TRAPPC11: variants seen among roughly 807,000 people sequenced by gnomAD.
TRAPPC11 encodes trafficking protein particle complex subunit 11.
TRAPPC11 carries 104 observed loss-of-function variants against 151.2 expected under a neutral mutation model. The ratio of observed to expected loss-of-function variants is 0.69; its 90% CI spans 0.59 to 0.81. The LOEUF (loss-of-function observed/expected upper bound fraction) is 0.81. TRAPPC11 is among the 30% of genes least tolerant of loss of function. The pLI, the probability that TRAPPC11 is intolerant of heterozygous loss-of-function variation, is 0.00. For synonymous variants in TRAPPC11, 456 were observed against 472.3 expected, an observed-to-expected ratio of 0.97 and a Z score of 0.45; for missense variants, 1,230 against 1,349.6, an observed-to-expected ratio of 0.91 and a Z score of 1.39.
At position 183,693,017 on chromosome 4, in the gene TRAPPC11, T is replaced by A. The variant is rs765385972; in HGVS notation, c.2107T>A (p.Trp703Arg). 1 of 1,613,792 alleles carries A rather than the reference T, an allele frequency of 6.2e-7. No individual in the cohort carries two copies. The highest frequency in any genetic ancestry group is 1.1e-5 in the South Asian group (1 of 91,002). ...GACGGGAAGATGTGTGGTTTTAAAT[T>A]GGCAGGGAGGAGGAGGAGATGCTGC... ...NETGRCVVLN[W>R]QGGGGDAASS... The change falls in exon 20 of 30, where the codon TGG becomes AGG. Residue 703 changes from tryptophan (W) to arginine (R), a missense_variant. Transcript: ENST00000334690.
chr4:183,686,547 T>G (rs1735977520), intron 17 of TRAPPC11, 71 bp from the exon 18 acceptor site: 2 of 1,555,202 alleles, frequency 1.3e-6, no homozygotes, highest in Non-Finnish European at 1.7e-6. Context: ...AGAATCAATT[T>G]GGTTAACAGG....
At chr4:183,694,135 T>C in intron 22 of TRAPPC11, 97 bp downstream of exon 22, 1 of 1,293,000 alleles carries the variant, frequency 7.7e-7, no homozygotes, top group Non-Finnish European at 1.1e-6. Flanking sequence ...TTAACGCATA[T>C]TCTAGGACTG....
intron 5 of TRAPPC11, among the ~76,000 whole-genome samples, chr4:183,673,648 T>C (rs1171394367): frequency 6.6e-6 from 1 of 152,128 alleles, no homozygotes; most frequent in Admixed American, 6.5e-5. Context: ...CACTCCAGCC[T>C]GGGCAACAGA....
chr4:183,662,756 T>G (rs1734622517), intron 1 of TRAPPC11, among the ~76,000 whole-genome samples: 1 of 152,086 alleles, frequency 6.6e-6, no homozygotes, highest in African/African-American at 2.4e-5. Flanking sequence ...TCTTTTATAT[T>G]TTTCTTTCAA....
rs1416841969 is a variant in TRAPPC11, at chr4:183,667,055, T to C, written c.375-5T>C. 6.3e-7 allele frequency: 1 copy of C among 1,590,150 alleles called. No individual in the cohort carries two copies. Among genetic ancestry groups the C allele is most frequent in the African/African-American group, 1.3e-5 (1 of 74,674 alleles). ...ATTAATTTTATTCTTGCTTTTTCAT[T>C]GCAGGCAAAGTTTACAAGGAAGAAA... On this transcript the variant is annotated splice_region_variant and splice_polypyrimidine_tract_variant and intron_variant, in intron 3 of 29. Coordinates refer to ENST00000334690, the MANE Select transcript of TRAPPC11 (RefSeq NM_021942.6).
At chr4:183,707,084 T>TA in intron 28 of TRAPPC11, 144 bp downstream of exon 28, 1 of 922,340 alleles carries the variant, frequency 1.1e-6, no homozygotes, top group Non-Finnish European at 1.5e-6. Context: ...TTAAGCACCT[T>TA]AAGTACAGCT....
Position 183,684,763 on chromosome 4 carries a change from A to T in TRAPPC11, c.1489A>T (p.Thr497Ser). 1 of 1,613,878 alleles carries T rather than the reference A, an allele frequency of 6.2e-7. No homozygotes were observed. Among genetic ancestry groups the T allele is most frequent in the Non-Finnish European group, 8.5e-7 (1 of 1,179,802 alleles). ...GTGGACTCTGCTCACTTCTGTATTAACTACAGCTCTGAAGTGCTCCTACCT... is the reference window on the plus strand; with the variant it reads ...GTGGACTCTGCTCACTTCTGTATTATCTACAGCTCTGAAGTGCTCCTACCT... ...GWWTLLTSVL[T>S]TALKCSYLMA... Residue 497 changes from threonine to serine, a missense_variant, in exon 15 of 30, where the codon ACT becomes TCT. Coordinates refer to ENST00000334690, the MANE Select transcript of TRAPPC11 (RefSeq NM_021942.6).
intron 5 of TRAPPC11, among the ~76,000 whole-genome samples, chr4:183,669,797 C>T (rs1735060366): frequency 6.6e-6 from 1 of 152,190 alleles, no homozygotes; most frequent in African/African-American, 2.4e-5. Flanking sequence ...AGAACCCTAC[C>T]TTAACCATCA....
At chr4:183,674,197 T>C (rs1325030619) in intron 5 of TRAPPC11, among the ~76,000 whole-genome samples, 1 of 151,070 alleles carries the variant, frequency 6.6e-6, no homozygotes, top group African/African-American at 2.4e-5. Context: ...GCGGATCACT[T>C]GAGGTCAGGA....
At chr4:183,662,127 G>A (rs1369004385) in intron 1 of TRAPPC11, among the ~76,000 whole-genome samples, 1 of 151,956 alleles carries the variant, frequency 6.6e-6, no homozygotes, top group African/African-American at 2.4e-5. Flanking sequence ...GGGAGGCCAA[G>A]GCTGGCAATC....
At chr4:183,694,355 TAAAG>T (rs1189120639) in intron 22 of TRAPPC11, among the ~76,000 whole-genome samples, 2 of 151,632 alleles carry the variant, frequency 1.3e-5, no homozygotes, top group Non-Finnish European at 1.5e-5. Flanking sequence ...TTTTGGAAGT[TAAAG>T]AACAATAATT....
At position 183,712,682 on chromosome 4, in the gene TRAPPC11, T is replaced by C. The variant is rs1325519147; in HGVS notation, c.*38T>C. On this transcript the variant is annotated 3_prime_UTR_variant, in exon 30 of 30. Coordinates refer to ENST00000334690, the MANE Select transcript of TRAPPC11 (RefSeq NM_021942.6). Reference sequence around the variant, plus strand: ...GCCCTTGGCTGTTGTTACAGAGATGTTGGGCAGAGCTATGCAGGTGTTTCA... The same window carrying C: ...GCCCTTGGCTGTTGTTACAGAGATGCTGGGCAGAGCTATGCAGGTGTTTCA... 9 of 1,605,302 alleles carry C rather than the reference T, an allele frequency of 5.6e-6. No homozygotes were observed. The highest frequency in any genetic ancestry group is 2.7e-5 in the African/African-American group (2 of 74,870).
Position 183,691,471 on chromosome 4 carries a change from G to T in TRAPPC11, c.2049G>T (p.Glu683Asp). Residue 683 changes from glutamate to aspartate, a missense_variant and splice_region_variant, in exon 19 of 30, where the codon GAG (glutamate) becomes GAT (aspartate). Transcript: ENST00000334690. ...CTGAAGATGTGGGAAAGAAAATTGA[G>T]GTTAGTTATGAAATTTGTTTTAAAA... is the stretch of plus-strand genomic sequence containing the variant. Reference protein sequence around the residue: ...AKTEDVGKKIEITSVDLALGN... With the variant: ...AKTEDVGKKIDITSVDLALGN... 1.4e-6 allele frequency: 2 copies of T among 1,465,152 alleles called. No homozygotes were observed. Among genetic ancestry groups the T allele is most frequent in the Admixed American group, 2.0e-5 (1 of 50,978 alleles). 90.8% of individuals were successfully genotyped at this position (1,465,152 alleles called of 1,614,324 possible). A position where few individuals can be genotyped will look rare whatever the true frequency, so the allele number is the denominator to read the frequency against.
chr4:183,687,428 C>T (rs1736039913), intron 18 of TRAPPC11, among the ~76,000 whole-genome samples: 1 of 151,852 alleles, frequency 6.6e-6, no homozygotes, highest in South Asian at 2.1e-4. Flanking sequence ...TAGCCTCAAC[C>T]TTTTGGACTC....
chr4:183,697,882 CGTGTGT>C, intron 25 of TRAPPC11, 47 bp downstream of exon 25: 2 of 1,034,066 alleles, frequency 1.9e-6, no homozygotes, highest in Non-Finnish European at 2.7e-6. Flanking sequence ...ATTGTGCGCG[CGTGTGT>C]GTGTGTGTGT....
At chr4:183,683,020 G>T (rs1735776279) in intron 11 of TRAPPC11, among the ~76,000 whole-genome samples, 195 bp downstream of exon 11, 1 of 152,138 alleles carries the variant, frequency 6.6e-6, no homozygotes, top group Non-Finnish European at 1.5e-5. Flanking sequence ...TAAAGTTGCT[G>T]TTGTGATTAA....
At chr4:183,665,297 T>C (rs185575024) in intron 2 of TRAPPC11, among the ~76,000 whole-genome samples, 17,703 of 151,870 alleles carry the variant, frequency 0.12, 1,260 homozygotes, top group South Asian at 0.16. Context: ...GGTTTCACCG[T>C]GTTAGCCAGG....
At position 183,694,591 on chromosome 4, in the gene TRAPPC11, T is replaced by A; in HGVS notation, c.2509-13T>A. The stretch of plus-strand genomic sequence containing the variant: ...GTAATACTAATTAAATTACAACATT[T>A]ATTTTGTTACAGCTGGAAAAAATGT... On this transcript the variant is annotated splice_polypyrimidine_tract_variant and intron_variant, in intron 22 of 29. Transcript: ENST00000334690. The A allele has an allele frequency of 6.2e-7, 1 of 1,607,970 alleles. No homozygotes were observed. The highest frequency in any genetic ancestry group is 1.1e-5 in the South Asian group (1 of 90,320).
Position 183,712,691 on chromosome 4 carries a change from G to A in TRAPPC11, c.*47G>A, listed in dbSNP as rs1195246848. 6.3e-7 allele frequency: 1 copy of A among 1,588,020 alleles called. No individual in the cohort carries two copies. Among genetic ancestry groups the A allele is most frequent in the Admixed American group, 1.7e-5 (1 of 59,620 alleles). ...TGTTGTTACAGAGATGTTGGGCAGA[G>A]CTATGCAGGTGTTTCATTGTGAACT... On this transcript the variant is annotated 3_prime_UTR_variant, in exon 30 of 30. Coordinates refer to ENST00000334690, the MANE Select transcript of TRAPPC11 (RefSeq NM_021942.6).
Sources: gnomAD v4.1 joint callset for allele counts (sites outside exome capture counted in the v4.1 genomes callset) on GRCh38, gnomAD v4.1.1 for gene constraint, MANE v1.5 for transcripts, NCBI Gene and HGNC (gene_info 2026-07-23, HGNC 2026-07-21) for gene names.